Variants in PAWR observed in about 807,000 individuals in gnomAD.
PAWR encodes PRKC apoptosis WT1 regulator protein.
PAWR carries 23 observed loss-of-function variants against 32.0 expected under a neutral mutation model. The ratio of observed to expected loss-of-function variants is 0.72; its 90% CI spans 0.52 to 1.02. PAWR has a LOEUF of 1.02. PAWR is among the 50% of genes least tolerant of loss of function. PAWR has a pLI of 0.00. For missense variants in PAWR, 457 were observed against 437.7 expected (o/e 1.04, Z -0.39); for synonymous variants, 226 against 187.1 (o/e 1.21, Z -1.70).
At chr12:79,596,474 T>C (rs1462027874) in intron 5 of PAWR, 37 bp downstream of exon 5, 3 of 1,042,944 alleles carry the variant, frequency 2.9e-6, no homozygotes, top group East Asian at 5.1e-5. Flanking sequence ...TAATGGTATA[T>C]TAATTTTATC....
chr12:79,650,762 C>T (rs1327846035), intron 2 of PAWR, among the ~76,000 whole-genome samples: 1 of 150,462 alleles, frequency 6.6e-6, no homozygotes, highest in African/African-American at 2.5e-5. Flanking sequence ...AGGCAGTGGG[C>T]CGGACTTGGC....
chr12:79,657,031 C>G (rs555187171), intron 2 of PAWR, among the ~76,000 whole-genome samples: 2 of 152,058 alleles, frequency 1.3e-5, no homozygotes, highest in East Asian at 3.9e-4. Flanking sequence ...CAGCATCTTA[C>G]GCACATGAGG....
intron 4 of PAWR, chr12:79,596,896 TG>T (rs1000290869): frequency 9.8e-6 from 4 of 407,288 alleles, no homozygotes; most frequent in Non-Finnish European, 1.7e-5. Context: ...AACACTGTTC[TG>T]GATACTGAAG....
intron 2 of PAWR, among the ~76,000 whole-genome samples, chr12:79,638,790 G>GGGGT (rs373489759): frequency 3.8e-5 from 4 of 105,272 alleles, no homozygotes; most frequent in East Asian, 2.6e-4. Flanking sequence ...TTATATTTGG[G>GGGGT]GTGTGTGTGT....
At chr12:79,656,377 T>C (rs554771631) in intron 2 of PAWR, among the ~76,000 whole-genome samples, 7 of 152,210 alleles carry the variant, frequency 4.6e-5, no homozygotes, top group Non-Finnish European at 7.4e-5. Context: ...GGGAGAGAAG[T>C]AGATGAATCT....
At chr12:79,653,037 T>G (rs371865088) in intron 2 of PAWR, among the ~76,000 whole-genome samples, 1 of 151,748 alleles carries the variant, frequency 6.6e-6, no homozygotes, top group African/African-American at 2.4e-5. Context: ...GTGTTTGTTT[T>G]TTTATTTGTT....
chr12:79,688,563 T>C (rs1246384197), intron 2 of PAWR: 3 of 151,904 alleles, frequency 2.0e-5, no homozygotes, highest in East Asian at 1.9e-4. Context: ...TTTGTGCAAG[T>C]AGCAAACCGC....
chr12:79,643,893 C>G (rs1041374496), intron 2 of PAWR, among the ~76,000 whole-genome samples: 1 of 152,136 alleles, frequency 6.6e-6, no homozygotes, highest in Non-Finnish European at 1.5e-5. Context: ...AAAAATATTT[C>G]ACTGACATTG....
chr12:79,652,244 T>C (rs1042884517), intron 2 of PAWR, among the ~76,000 whole-genome samples: 1 of 152,216 alleles, frequency 6.6e-6, no homozygotes, highest in Admixed American at 6.5e-5. Flanking sequence ...TGCTAAGTTT[T>C]ATATTATATA....
At chr12:79,679,554 T>C (rs1367632622) in intron 2 of PAWR, among the ~76,000 whole-genome samples, 2 of 152,156 alleles carry the variant, frequency 1.3e-5, no homozygotes, top group African/African-American at 2.4e-5. Context: ...TAAGGGAACA[T>C]TTCTGCATGA....
chr12:79,633,716 C>A (rs558447245), intron 2 of PAWR, among the ~76,000 whole-genome samples: 5 of 152,104 alleles, frequency 3.3e-5, no homozygotes, highest in African/African-American at 9.7e-5. Flanking sequence ...AAGGTACTCA[C>A]CTCATTTGCA....
At chr12:79,645,530 G>C (rs1180325377) in intron 2 of PAWR, among the ~76,000 whole-genome samples, 1 of 152,158 alleles carries the variant, frequency 6.6e-6, no homozygotes, top group Non-Finnish European at 1.5e-5. Context: ...ATATCTGAGG[G>C]CTAATTAACT....
At chr12:79,627,495 T>C (rs1190205022) in intron 2 of PAWR, among the ~76,000 whole-genome samples, 1 of 152,218 alleles carries the variant, frequency 6.6e-6, no homozygotes, top group Non-Finnish European at 1.5e-5. Context: ...TATTAGCCCT[T>C]TGTCACATGA....
chr12:79,689,199 C>T (rs964662195), intron 2 of PAWR, among the ~76,000 whole-genome samples: 2 of 152,102 alleles, frequency 1.3e-5, no homozygotes, highest in African/African-American at 2.4e-5. Context: ...AAATAGTGCA[C>T]GTATTCATTT....
chr12:79,659,566 T>C (rs867425327), intron 2 of PAWR, among the ~76,000 whole-genome samples: 17 of 152,250 alleles, frequency 1.1e-4, no homozygotes, highest in Middle Eastern at 3.4e-3. Flanking sequence ...AACCCCTAAA[T>C]AAGGCTAAAG....
intron 4 of PAWR, chr12:79,596,909 C>T (rs1165626797): frequency 1.6e-5 from 6 of 370,184 alleles, no homozygotes; most frequent in African/African-American, 8.4e-5. Flanking sequence ...ATACTGAAGA[C>T]GTAACAGCAA....
chr12:79,635,489 A>AAT (rs773502514), intron 2 of PAWR: 1 of 152,136 alleles, frequency 6.6e-6, no homozygotes, highest in Non-Finnish European at 1.5e-5. Flanking sequence ...TGGAGAATGT[A>AAT]ATGTTGAGTC....
At position 79,589,843 on chromosome 12, in the gene PAWR, A is replaced by G. The variant is rs963754619; in HGVS notation, c.*2764T>C. 11 of 152,336 alleles carry G rather than the reference A, an allele frequency of 7.2e-5. No homozygotes were observed. Among genetic ancestry groups the G allele is most frequent in the Admixed American group, 1.3e-4 (2 of 15,306 alleles). 9.4% of individuals were successfully genotyped at this position (152,336 alleles called of 1,614,324 possible). ...CAAATTCCCAGGAGATTTAAGAAAT[A>G]GTATTTCTGAACAGGAATAATAATT... On this transcript the variant is annotated 3_prime_UTR_variant, in exon 7 of 7. Coordinates refer to ENST00000328827, the MANE Select transcript of PAWR (RefSeq NM_002583.4).
chr12:79,678,793 G>A (rs1200345870), intron 2 of PAWR, among the ~76,000 whole-genome samples: 1 of 150,784 alleles, frequency 6.6e-6, no homozygotes, highest in Non-Finnish European at 1.5e-5. Flanking sequence ...TACCAACTGA[G>A]ACCTAAAGCA....
Sources: allele counts gnomAD v4.1 joint callset (sites outside exome capture counted in the v4.1 genomes callset), GRCh38; gene constraint gnomAD v4.1.1; transcripts MANE v1.5; gene names NCBI Gene and HGNC (gene_info 2026-07-23, HGNC 2026-07-21).